Variants in NLGN4X observed in about 807,000 individuals in gnomAD.
NLGN4X encodes neuroligin 4 X-linked.
In NLGN4X, 3 loss-of-function variants were observed where a neutral mutation model predicts 40.3. The ratio of observed to expected loss-of-function variants is 0.07; its 90% CI spans 0.03 to 0.19. The LOEUF is 0.19. NLGN4X is among the 10% of genes least tolerant of loss of function. NLGN4X has a pLI of 1.00. For missense variants in NLGN4X, 382 were observed against 708.3 expected (o/e 0.54, Z 5.23); for synonymous variants, 270 against 306.8 (o/e 0.88, Z 1.25).
chrX:6,180,421 C>T (rs188501124), intron 1 of NLGN4X, among the ~76,000 whole-genome samples: 20 of 110,850 alleles, frequency 1.8e-4, no homozygotes, highest in Admixed American at 1.6e-3. Context: ...CTTCCTCCTG[C>T]TCCGGCCATG....
At chrX:5,934,464 T>C (rs2033667843) in intron 3 of NLGN4X, among the ~76,000 whole-genome samples, 1 of 112,062 alleles carries the variant, frequency 8.9e-6, no homozygotes, top group East Asian at 2.8e-4. Flanking sequence ...ATGATCAATA[T>C]GACAGGAATT....
intron 1 of NLGN4X, among the ~76,000 whole-genome samples, chrX:6,192,133 A>G (rs1922596439): frequency 9.1e-6 from 1 of 110,018 alleles, no homozygotes; most frequent in South Asian, 3.9e-4. Flanking sequence ...GTTTTCACCT[A>G]ATTTTTTTTT....
chrX:5,956,495 T>G (rs983181433), intron 3 of NLGN4X, among the ~76,000 whole-genome samples: 1 of 111,831 alleles, frequency 8.9e-6, no homozygotes, highest in Non-Finnish European at 1.9e-5. Context: ...TCAGTATTGC[T>G]GGTTGAAACT....
intron 2 of NLGN4X, among the ~76,000 whole-genome samples, chrX:6,072,534 ATTG>A (rs886509148): frequency 1.5e-4 from 17 of 111,892 alleles, no homozygotes; most frequent in Non-Finnish European, 2.6e-4. Flanking sequence ...CAGTGTGAAT[ATTG>A]TTAATATCCC....
At chrX:6,024,601 C>T (rs976573898) in intron 3 of NLGN4X, among the ~76,000 whole-genome samples, 2 of 110,833 alleles carry the variant, frequency 1.8e-5, no homozygotes, top group Admixed American at 9.6e-5. Flanking sequence ...CCGAAACCCA[C>T]CAAAACCAAG....
chrX:5,936,583 T>C (rs1371832646), intron 3 of NLGN4X, among the ~76,000 whole-genome samples: 1 of 111,963 alleles, frequency 8.9e-6, no homozygotes, highest in African/African-American at 3.2e-5. Context: ...GGAGTTGTTT[T>C]GCAAGAAAGT....
intron 3 of NLGN4X, among the ~76,000 whole-genome samples, chrX:5,959,899 G>A (rs1002073025): frequency 1.8e-5 from 2 of 111,279 alleles, no homozygotes; most frequent in Middle Eastern, 4.6e-3. Context: ...ATGCATTTGC[G>A]TTTCATCAAT....
At chrX:5,913,211 C>T (rs1434416965) in intron 3 of NLGN4X, among the ~76,000 whole-genome samples, 1 of 111,098 alleles carries the variant, frequency 9.0e-6, no homozygotes, top group Non-Finnish European at 1.9e-5. Flanking sequence ...ACCAGGAATC[C>T]TGGTATTTAT....
At chrX:6,139,538 T>C (rs1168872555) in intron 2 of NLGN4X, among the ~76,000 whole-genome samples, 1 of 112,229 alleles carries the variant, frequency 8.9e-6, no homozygotes, top group Admixed American at 9.5e-5. Context: ...TTAGGAAACA[T>C]AGACAGCATT....
chrX:6,213,359 G>A (rs757875536), intron 1 of NLGN4X, among the ~76,000 whole-genome samples: 6 of 111,760 alleles, frequency 5.4e-5, no homozygotes, highest in Non-Finnish European at 1.1e-4. Flanking sequence ...AACTGTCACA[G>A]ACTAGATGAG....
At position 5,910,023 on chromosome X, in the gene NLGN4X, C is replaced by T. The variant is rs188255392; in HGVS notation, c.626-784G>A. 5.0e-3 allele frequency among the ~76,000 whole-genome samples: 560 copies of T among 111,747 alleles called. 4 individuals carry two copies. Among genetic ancestry groups the T allele is most frequent in the Non-Finnish European group, 7.8e-3 (415 of 53,201 alleles). On this transcript the variant is annotated intron_variant, in intron 3 of 5. Coordinates refer to ENST00000381095, the MANE Select transcript of NLGN4X (RefSeq NM_181332.3). ...TAGATTTTACTCAAGGCATACGATT[C>T]TTAATTTCTCCTTAGTAGTTGAAAA...
intron 3 of NLGN4X, among the ~76,000 whole-genome samples, chrX:5,994,686 T>C (rs977546834): frequency 8.9e-6 from 1 of 112,126 alleles, no homozygotes; most frequent in Non-Finnish European, 1.9e-5. Flanking sequence ...GAAGAGCCTC[T>C]TACTTCCTGG....
intron 3 of NLGN4X, among the ~76,000 whole-genome samples, chrX:5,985,761 C>G (rs2035515326): frequency 8.9e-6 from 1 of 111,793 alleles, no homozygotes. Context: ...GTAGAAAAGA[C>G]TCAAAACCTG....
intron 3 of NLGN4X, among the ~76,000 whole-genome samples, chrX:6,026,061 G>A (rs2036684344): frequency 9.0e-6 from 1 of 111,119 alleles, no homozygotes; most frequent in South Asian, 3.8e-4. Context: ...TAAGGAAAGA[G>A]TCTGAGGAAA....
chrX:6,170,720 T>C (rs1001591657), intron 1 of NLGN4X, among the ~76,000 whole-genome samples: 2 of 112,463 alleles, frequency 1.8e-5, no homozygotes, highest in Non-Finnish European at 3.8e-5. Flanking sequence ...ATATATGCTC[T>C]ATGATATTTC....
intron 1 of NLGN4X, among the ~76,000 whole-genome samples, chrX:6,212,901 T>C (rs1406123730): frequency 8.9e-6 from 1 of 112,053 alleles, no homozygotes; most frequent in African/African-American, 3.2e-5. Flanking sequence ...AAAATATCCA[T>C]GTGTCCATAC....
chrX:6,080,372 T>G (rs990041882), intron 2 of NLGN4X, among the ~76,000 whole-genome samples: 1 of 111,393 alleles, frequency 9.0e-6, no homozygotes, highest in Admixed American at 9.6e-5. Flanking sequence ...TCTTTTCTTC[T>G]AGGTCACAGA....
chrX:6,005,847 T>G (rs1315873186), intron 3 of NLGN4X, among the ~76,000 whole-genome samples: 3 of 111,340 alleles, frequency 2.7e-5, no homozygotes, highest in Non-Finnish European at 5.7e-5. Context: ...GACTTTGTTC[T>G]AAGCCACTGT....
At chrX:5,913,595 T>C (rs1004727761) in intron 3 of NLGN4X, among the ~76,000 whole-genome samples, 2 of 111,902 alleles carry the variant, frequency 1.8e-5, no homozygotes, top group Admixed American at 9.5e-5. Flanking sequence ...CCTCCAATAA[T>C]TGAACAACGA....
Sources: allele counts gnomAD v4.1 joint callset (sites outside exome capture counted in the v4.1 genomes callset), GRCh38; gene constraint gnomAD v4.1.1; transcripts MANE v1.5; gene names NCBI Gene and HGNC (gene_info 2026-07-23, HGNC 2026-07-21).